The following PREX2 variants were observed in gnomAD, a reference collection of about 807,000 sequenced individuals.
The protein encoded by PREX2 is phosphatidylinositol 3,4,5-trisphosphate-dependent Rac exchanger 2 protein.
PREX2 carries 107 observed loss-of-function variants against 203.2 expected under a neutral mutation model. The ratio of observed to expected loss-of-function variants is 0.53; its 90% CI spans 0.45 to 0.62. The LOEUF (loss-of-function observed/expected upper bound fraction) is 0.62, where lower values mean the gene tolerates loss of function less well. Among genes scored for constraint, PREX2 ranks in the 20% least tolerant of loss-of-function variants. The pLI is 0.00. For missense variants in PREX2, 1,777 were observed against 1,955.9 expected, an observed-to-expected ratio of 0.91 and a Z score of 1.72; for synonymous variants, 672 against 663.6, an observed-to-expected ratio of 1.01 and a Z score of -0.19.
chr8:68,076,685 T>TCTCA (rs1554574063), intron 14 of PREX2, among the ~76,000 whole-genome samples: 1 of 143,674 alleles, frequency 7.0e-6, no homozygotes, highest in African/African-American at 2.6e-5. Context: ...AACTCTAAGG[T>TCTCA]CACACACACA....
chr8:68,224,513 A>C (rs773337900), intron 38 of PREX2, 46 bp from the exon 39 acceptor site: 2 of 1,415,640 alleles, frequency 1.4e-6, no homozygotes, highest in Admixed American at 3.3e-5. Context: ...ATGTTAAATT[A>C]TTACTAACAC....
At chr8:68,161,106 T>TG (rs35964371) in intron 35 of PREX2, among the ~76,000 whole-genome samples, 136 of 150,144 alleles carry the variant, frequency 9.1e-4, no homozygotes, top group Middle Eastern at 3.4e-3. Flanking sequence ...TCTTTTTTTT[T>TG]GGGGGGGGGA....
Position 68,231,344 on chromosome 8 carries a change from T to C in PREX2, c.4787T>C (p.Leu1596Pro). The stretch of plus-strand genomic sequence containing the variant: ...CATGCCTTTTCTAGGCTGTACAAGC[T>C]GTGCGAGCCACCTCCCCCAGCTGGA... Reference protein sequence around the residue: ...TPQSAPRLYKLCEPPPPAGEE With the variant: ...TPQSAPRLYKPCEPPPPAGEE The change falls in exon 40 of 40, where the codon CTG becomes CCG. Residue 1596 changes from leucine (L) to proline (P), a missense_variant. Coordinates refer to ENST00000288368, the MANE Select transcript of PREX2 (RefSeq NM_024870.4). 1 of 1,599,192 alleles carries C rather than the reference T, an allele frequency of 6.3e-7. No individual in the cohort carries two copies. The highest frequency in any genetic ancestry group is 8.5e-7 in the Non-Finnish European group (1 of 1,174,266).
chr8:68,180,576 G>A (rs1416465482), intron 35 of PREX2, among the ~76,000 whole-genome samples: 3 of 152,074 alleles, frequency 2.0e-5, no homozygotes, highest in Admixed American at 6.6e-5. Flanking sequence ...TAAGAAAACA[G>A]ATGCTTATGG....
chr8:68,024,649 A>C (rs187056560), intron 4 of PREX2, among the ~76,000 whole-genome samples: 2 of 151,844 alleles, frequency 1.3e-5, no homozygotes, highest in East Asian at 3.9e-4. Context: ...GTAATTATTG[A>C]TATGATGGTA....
intron 34 of PREX2, among the ~76,000 whole-genome samples, chr8:68,150,005 C>A (rs1811402214): frequency 6.6e-6 from 1 of 152,210 alleles, no homozygotes; most frequent in Non-Finnish European, 1.5e-5. Context: ...TGTTAGGATG[C>A]AGGCTGTCCT....
chr8:68,141,375 G>T (rs1318148889), intron 33 of PREX2, among the ~76,000 whole-genome samples: 2 of 152,152 alleles, frequency 1.3e-5, no homozygotes, highest in East Asian at 1.9e-4. Flanking sequence ...GGAGGTGTGG[G>T]TGCCATCATG....
At chr8:68,199,021 G>A (rs62520562) in intron 37 of PREX2, among the ~76,000 whole-genome samples, 23 of 152,130 alleles carry the variant, frequency 1.5e-4, no homozygotes, top group Non-Finnish European at 3.1e-4. Flanking sequence ...GCTTTGTTAC[G>A]AGGGTGAATC....
chr8:68,146,074 C>T, intron 33 of PREX2, 135 bp from the exon 34 acceptor site: 2 of 606,618 alleles, frequency 3.3e-6, no homozygotes, highest in Non-Finnish European at 5.6e-6. Flanking sequence ...TATGTCGAAT[C>T]CCAACTTGAT....
Position 67,952,372 on chromosome 8 carries a change from C to CGCGCT in PREX2, c.-18_-14dup. ...CAGCGCTCAGCACGGCGGGCAGCGC[C>CGCGCT]GCGCTGCGCACCGCCGCCGACCATG... On this transcript the variant is annotated 5_prime_UTR_variant, in exon 1 of 40. Coordinates refer to ENST00000288368, the MANE Select transcript of PREX2 (RefSeq NM_024870.4). 2 of 1,514,266 alleles carry CGCGCT rather than the reference C, an allele frequency of 1.3e-6. No individual in the cohort carries two copies. Among genetic ancestry groups the CGCGCT allele is most frequent in the Non-Finnish European group, 1.8e-6 (2 of 1,132,922 alleles). The allele number at this position is 1,514,266 out of a possible 1,614,324, so 93.8% of individuals were successfully genotyped here.
chr8:67,980,412 G>A (rs1053255615), intron 1 of PREX2, among the ~76,000 whole-genome samples: 6 of 152,108 alleles, frequency 3.9e-5, no homozygotes, highest in African/African-American at 1.4e-4. Context: ...AATAGGATTG[G>A]ATGTTCCAAA....
At chr8:68,077,536 C>T in intron 15 of PREX2, 67 bp downstream of exon 15, 1 of 1,141,232 alleles carries the variant, frequency 8.8e-7, no homozygotes, top group South Asian at 1.2e-5. Flanking sequence ...GATACTGCAA[C>T]ACCCAGTGCT....
intron 15 of PREX2, among the ~76,000 whole-genome samples, chr8:68,078,955 T>C (rs115546990): frequency 0.019 from 2,881 of 152,170 alleles, 98 homozygotes; most frequent in African/African-American, 0.064. Context: ...GACAATTTGG[T>C]GGAGGGAAAC....
chr8:68,049,117 CTTTT>C (rs3056658), intron 8 of PREX2, among the ~76,000 whole-genome samples: 138 of 116,154 alleles, frequency 1.2e-3, no homozygotes, highest in South Asian at 7.3e-3. Context: ...CAATTAGAAT[CTTTT>C]TTTTTTTTTT....
At chr8:67,966,735 A>T (rs1805788821) in intron 1 of PREX2, among the ~76,000 whole-genome samples, 1 of 152,244 alleles carries the variant, frequency 6.6e-6, no homozygotes, top group African/African-American at 2.4e-5. Flanking sequence ...CAACCTAAAA[A>T]ATAACCCCTA....
intron 33 of PREX2, 33 bp downstream of exon 33, chr8:68,138,550 G>C: frequency 9.5e-7 from 1 of 1,050,564 alleles, no homozygotes; most frequent in Non-Finnish European, 1.4e-6. Flanking sequence ...AATTTATTTG[G>C]CATCAAATAA....
intron 1 of PREX2, among the ~76,000 whole-genome samples, chr8:67,996,428 A>C (rs1009267985): frequency 2.0e-5 from 3 of 151,994 alleles, no homozygotes; most frequent in Non-Finnish European, 2.9e-5. Flanking sequence ...TCCTGGCCTC[A>C]AGTGATCCTC....
intron 35 of PREX2, among the ~76,000 whole-genome samples, chr8:68,165,140 C>G (rs1268751971): frequency 6.6e-6 from 1 of 151,626 alleles, no homozygotes; most frequent in Non-Finnish European, 1.5e-5. Flanking sequence ...TAACTTGATT[C>G]AGATGTAATC....
intron 1 of PREX2, among the ~76,000 whole-genome samples, chr8:68,016,879 G>T (rs771248500): frequency 1.3e-5 from 2 of 152,156 alleles, no homozygotes; most frequent in South Asian, 2.1e-4. Context: ...CTCCCAAAGC[G>T]CTAGGAGTAT....
Sources: gnomAD v4.1 joint callset for allele counts (sites outside exome capture counted in the v4.1 genomes callset) on GRCh38, gnomAD v4.1.1 for gene constraint, MANE v1.5 for transcripts, NCBI Gene and HGNC (gene_info 2026-07-23, HGNC 2026-07-21) for gene names.